COG5: variants seen among roughly 807,000 people sequenced by gnomAD.
COG5 encodes the protein conserved oligomeric Golgi complex subunit 5.
Under a neutral mutation model 110.4 loss-of-function variants are expected in COG5, and 86 were observed. The observed-to-expected ratio is 0.78, with a 90% CI of 0.65 to 0.93. COG5 has a LOEUF of 0.93. COG5 is among the 40% of genes least tolerant of loss of function. The pLI is 0.00. For missense variants in COG5, 1,077 were observed against 987.0 expected (o/e 1.09, Z -1.22); for synonymous variants, 360 against 334.6 (o/e 1.08, Z -0.83).
intron 19 of COG5, among the ~76,000 whole-genome samples, chr7:107,229,851 T>G (rs1337191899): frequency 6.6e-6 from 1 of 150,534 alleles, no homozygotes; most frequent in African/African-American, 2.4e-5. Context: ...TTTTGTTTTT[T>G]TTTTTTGTTT....
At chr7:107,341,917 T>G (rs759583986) in intron 10 of COG5, among the ~76,000 whole-genome samples, 20 of 152,116 alleles carry the variant, frequency 1.3e-4, no homozygotes, top group Non-Finnish European at 2.8e-4. Context: ...GACCACAAAC[T>G]ATAAAAATTC....
chr7:107,439,970 C>G (rs1794609086), intron 6 of COG5, among the ~76,000 whole-genome samples: 2 of 152,100 alleles, frequency 1.3e-5, no homozygotes, highest in Non-Finnish European at 2.9e-5. Context: ...CACTGTCTAC[C>G]CTGAATTTAT....
At position 107,420,664 on chromosome 7, in the gene COG5, T is replaced by C. The variant is rs552587691; in HGVS notation, c.539-8032A>G. Among the ~76,000 whole-genome samples, 9 of 152,318 alleles carry C rather than the reference T, an allele frequency of 5.9e-5. No homozygotes were observed. The South Asian group carries it at 8.3e-4, about 14-fold the overall frequency. On this transcript the variant is annotated intron_variant, in intron 6 of 21. Coordinates refer to ENST00000297135, the MANE Select transcript of COG5 (RefSeq NM_006348.5). ...TTTTAATAGATATGGGGTTTCACCA[T>C]GTTAGCCAGGATGGTCTCGATCTCC...
chr7:107,527,216 TAA>T lies in COG5; in HGVS notation c.538+19_538+20del, dbSNP rs201626701. 2.9e-4 allele frequency: 397 copies of T among 1,383,872 alleles called. No individual in the cohort carries two copies. The highest frequency in any genetic ancestry group is 2.7e-3 in the African/African-American group (178 of 66,420). The allele number at this position is 1,383,872 out of a possible 1,614,324, so 85.7% of individuals were successfully genotyped here. A position where few individuals can be genotyped will look rare whatever the true frequency, so the allele number is the denominator to read the frequency against. ...TTTAAATCTCTACTAACTTTTTATT[TAA>T]AAAAAAAAAAAAACTTACCAAGTTC... On this transcript the variant is annotated intron_variant, in intron 6 of 21. Transcript: ENST00000297135.
chr7:107,374,101 T>A (rs1049347922), intron 7 of COG5, among the ~76,000 whole-genome samples: 14 of 152,234 alleles, frequency 9.2e-5, no homozygotes, highest in South Asian at 6.2e-4. Flanking sequence ...AAAGCTTAAT[T>A]TAGTATGGTC....
At position 107,563,897 on chromosome 7, in the gene COG5, G is replaced by C. The variant is rs746011817; in HGVS notation, c.-1C>G. ...CGACGCTGCCGCCGCCACCTTCCAT[G>C]TTGGCAGGTGCCGGGTTGATGTCGT... is the stretch of plus-strand genomic sequence containing the variant. On this transcript the variant is annotated 5_prime_UTR_variant, in exon 1 of 22. Coordinates refer to ENST00000297135, the MANE Select transcript of COG5 (RefSeq NM_006348.5). 17 of 1,613,716 alleles carry C rather than the reference G, an allele frequency of 1.1e-5. No homozygotes were observed. Among genetic ancestry groups the C allele is most frequent in the Non-Finnish European group, 1.4e-5 (17 of 1,179,944 alleles).
At chr7:107,240,432 T>C (rs1046520995) in intron 17 of COG5, among the ~76,000 whole-genome samples, 1 of 152,146 alleles carries the variant, frequency 6.6e-6, no homozygotes, top group African/African-American at 2.4e-5. Context: ...GCCAGGCTGG[T>C]CTCAAACTCC....
intron 7 of COG5, among the ~76,000 whole-genome samples, chr7:107,400,387 G>C (rs988527535): frequency 6.6e-6 from 1 of 152,032 alleles, no homozygotes; most frequent in South Asian, 2.1e-4. Context: ...TAATTTTTCT[G>C]AATTACAAAA....
intron 6 of COG5, among the ~76,000 whole-genome samples, chr7:107,455,158 A>C (rs1173591142): frequency 6.6e-6 from 1 of 152,250 alleles, no homozygotes; most frequent in African/African-American, 2.4e-5. Context: ...AGCAGCAGGA[A>C]TAAAGTGAGA....
chr7:107,341,426 A>G (rs1037503810), intron 10 of COG5, among the ~76,000 whole-genome samples: 2 of 152,192 alleles, frequency 1.3e-5, no homozygotes, highest in Non-Finnish European at 2.9e-5. Flanking sequence ...GAAAGAATCA[A>G]TATCATTTAA....
rs180852615 is a variant in COG5, at chr7:107,379,993, G to A, written c.670-7233C>T. Among the ~76,000 whole-genome samples, 603 of 152,164 alleles carry A rather than the reference G, an allele frequency of 4.0e-3. 6 individuals carry two copies. The highest frequency in any genetic ancestry group is 0.014 in the African/African-American group (573 of 41,522). ...TATGCATTCTTCTTAGCACTACATC[G>A]CATTTATTCTAAAATTGACCACATA... On this transcript the variant is annotated intron_variant, in intron 7 of 21. Coordinates refer to ENST00000297135, the MANE Select transcript of COG5 (RefSeq NM_006348.5).
At chr7:107,366,502 AACACACATAC>A (rs998556185) in intron 8 of COG5, among the ~76,000 whole-genome samples, 6 of 152,168 alleles carry the variant, frequency 3.9e-5, no homozygotes, top group African/African-American at 1.4e-4. Flanking sequence ...AACATACTTT[AACACACATAC>A]ACACACAAAA....
chr7:107,341,608 C>T (rs1811177054), intron 10 of COG5, among the ~76,000 whole-genome samples: 1 of 152,008 alleles, frequency 6.6e-6, no homozygotes, highest in Non-Finnish European at 1.5e-5. Context: ...GAAGACATTA[C>T]ATTATTCAAC....
At chr7:107,525,701 T>G (rs746523457) in intron 6 of COG5, among the ~76,000 whole-genome samples, 1 of 152,118 alleles carries the variant, frequency 6.6e-6, no homozygotes, top group Non-Finnish European at 1.5e-5. Context: ...TGCAGGCACA[T>G]GCTATGATGC....
intron 14 of COG5, 26 bp from the exon 15 acceptor site, chr7:107,258,409 T>C (rs755569427): frequency 1.6e-6 from 2 of 1,281,742 alleles, no homozygotes; most frequent in Non-Finnish European, 2.3e-6. Flanking sequence ...TTCAAAAGAA[T>C]GTGTCAGAAT....
At chr7:107,366,687 G>T (rs904311368) in intron 8 of COG5, among the ~76,000 whole-genome samples, 5 of 152,080 alleles carry the variant, frequency 3.3e-5, no homozygotes, top group African/African-American at 1.2e-4. Flanking sequence ...CCCAGCAGTT[G>T]GTAAAGCAAC....
At chr7:107,326,282 T>C (rs967207707) in intron 10 of COG5, among the ~76,000 whole-genome samples, 11 of 152,132 alleles carry the variant, frequency 7.2e-5, no homozygotes, top group African/African-American at 2.6e-4. Flanking sequence ...TTCTATACAA[T>C]ATAGTACTAG....
intron 8 of COG5, among the ~76,000 whole-genome samples, chr7:107,363,138 G>A (rs1307985939): frequency 6.6e-6 from 1 of 152,104 alleles, no homozygotes; most frequent in Non-Finnish European, 1.5e-5. Context: ...AGGAATCAGA[G>A]GTATTTCCCC....
intron 6 of COG5, chr7:107,475,463 T>C: frequency 1.7e-6 from 1 of 594,256 alleles, no homozygotes; most frequent in South Asian, 2.7e-5. Context: ...ATTTTAAGTA[T>C]TGGTTATGTT....
Sources: allele counts gnomAD v4.1 joint callset (sites outside exome capture counted in the v4.1 genomes callset), GRCh38; gene constraint gnomAD v4.1.1; transcripts MANE v1.5; gene names NCBI Gene and HGNC (gene_info 2026-07-23, HGNC 2026-07-21).